Variants in TENM4 observed in about 807,000 individuals in gnomAD.
TENM4 encodes the protein teneurin transmembrane protein 4.
Under a neutral mutation model 243.3 loss-of-function variants are expected in TENM4, and 82 were observed. The observed-to-expected ratio is 0.34, with a 90% confidence interval of 0.28 to 0.40. TENM4 has a LOEUF of 0.40. Among genes scored for constraint, TENM4 ranks in the 10% least tolerant of loss-of-function variants. TENM4 has a pLI of 1.00. For missense variants in TENM4, 3,138 were observed against 3,673.3 expected (o/e 0.85, Z 3.77); for synonymous variants, 1,412 against 1,456.3 (o/e 0.97, Z 0.69).
chr11:78,665,470 C>T (rs1367847236), intron 32 of TENM4, among the ~76,000 whole-genome samples: 1 of 152,116 alleles, frequency 6.6e-6, no homozygotes, highest in African/African-American at 2.4e-5. Context: ...CGAGATTTCG[C>T]CATGTTGGCC....
At chr11:78,883,647 C>A (rs1252035972) in intron 9 of TENM4, among the ~76,000 whole-genome samples, 1 of 152,248 alleles carries the variant, frequency 6.6e-6, no homozygotes. Flanking sequence ...GAAGAAACCT[C>A]AAGTTACTAA....
In TENM4 at chr11:78,708,372, C is replaced by A. The variant is rs762851307; in HGVS notation, c.4198G>T (p.Asp1400Tyr). Residue 1400 changes from aspartate (D) to tyrosine (Y), a missense_variant, in exon 27 of 34, where the codon GAT becomes TAT. Coordinates refer to ENST00000278550, the MANE Select transcript of TENM4 (RefSeq NM_001098816.3). ...ARPLSCDSVM[D>Y]ISQVHLEWPT... The stretch of plus-strand genomic sequence containing the variant: ...TGAAGCCATCTTACCTGGGAAATAT[C>A]CATGACAGAATCACAGCTGAGTGGC... 5.6e-6 allele frequency: 9 copies of A among 1,614,036 alleles called. No individual in the cohort carries two copies. In the East Asian group the frequency reaches 1.8e-4, roughly 32 times the overall value.
At chr11:79,352,668 C>G (rs1424612225) in intron 1 of TENM4, among the ~76,000 whole-genome samples, 1 of 152,214 alleles carries the variant, frequency 6.6e-6, no homozygotes, top group Non-Finnish European at 1.5e-5. Flanking sequence ...GCCCCTTGCT[C>G]TCTTTGCCGG....
chr11:79,280,779 G>T (rs1856143940), intron 2 of TENM4, among the ~76,000 whole-genome samples: 1 of 152,156 alleles, frequency 6.6e-6, no homozygotes, highest in African/African-American at 2.4e-5. Flanking sequence ...AGAGATGCTG[G>T]TCTACCTTTC....
Position 79,441,002 on chromosome 11 carries a change from ACG to A in TENM4, c.-816_-815del. 1 of 153,320 alleles carries A rather than the reference ACG, an allele frequency of 6.5e-6. No individual in the cohort carries two copies. The highest frequency in any genetic ancestry group is 1.4e-5 in the Non-Finnish European group (1 of 69,070). The allele number at this position is 153,320 out of a possible 1,614,324, so 9.5% of individuals were successfully genotyped here. A position where few individuals can be genotyped will look rare whatever the true frequency, so the allele number is the denominator to read the frequency against. On this transcript the variant is annotated 5_prime_UTR_variant, in exon 1 of 34. Coordinates refer to ENST00000278550, the MANE Select transcript of TENM4 (RefSeq NM_001098816.3). Reference sequence around the variant, plus strand: ...GAGCGAGAGAGAGACACACACACACACGCACACGCACACGCAGGTTACATGAA... The same window carrying A: ...GAGCGAGAGAGAGACACACACACACACACACGCACACGCAGGTTACATGAA...
intron 4 of TENM4, 38 bp from the exon 5 acceptor site, chr11:79,070,047 A>G (rs1196224297): frequency 1.4e-6 from 2 of 1,468,758 alleles, no homozygotes; most frequent in East Asian, 2.5e-5. Flanking sequence ...CGTGAGAGGC[A>G]GAGAACATTC....
chr11:79,128,915 G>A (rs558565320), intron 4 of TENM4, among the ~76,000 whole-genome samples: 41 of 152,304 alleles, frequency 2.7e-4, no homozygotes, highest in Non-Finnish European at 7.3e-5. Flanking sequence ...GTATGCAGAG[G>A]CTTGCACTGT....
chr11:79,138,583 A>T (rs1401000024), intron 4 of TENM4, among the ~76,000 whole-genome samples: 3 of 93,390 alleles, frequency 3.2e-5, no homozygotes, highest in African/African-American at 1.1e-4. Flanking sequence ...TATTTATATA[A>T]ATACATAAAA....
intron 3 of TENM4, among the ~76,000 whole-genome samples, chr11:79,190,512 A>AT (rs981177601): frequency 2.0e-5 from 3 of 152,144 alleles, no homozygotes; most frequent in Non-Finnish European, 4.4e-5. Context: ...GATCCTCAGT[A>AT]TTTACTTTTA....
chr11:79,095,673 C>A (rs969734796), intron 4 of TENM4, among the ~76,000 whole-genome samples: 2 of 152,180 alleles, frequency 1.3e-5, no homozygotes, highest in African/African-American at 4.8e-5. Context: ...AGCAGACTCC[C>A]CAGTGCTCAC....
chr11:79,161,997 G>T (rs1862756300), intron 3 of TENM4, among the ~76,000 whole-genome samples: 1 of 152,216 alleles, frequency 6.6e-6, no homozygotes, highest in South Asian at 2.1e-4. Flanking sequence ...GGGTTGGTGG[G>T]TGTGGGAGAA....
At chr11:79,331,250 T>G (rs2135444955) in intron 1 of TENM4, among the ~76,000 whole-genome samples, 1 of 152,176 alleles carries the variant, frequency 6.6e-6, no homozygotes, top group East Asian at 1.9e-4. Flanking sequence ...TTTACCCCTT[T>G]GCACAGCCAG....
chr11:78,778,460 C>A, intron 17 of TENM4, 142 bp downstream of exon 17: 1 of 894,712 alleles, frequency 1.1e-6, no homozygotes, highest in East Asian at 2.7e-5. Context: ...ATGGATGCTG[C>A]GACAAAACTG....
Position 78,709,244 on chromosome 11 carries a change from C to T in TENM4, c.4055-729G>A, listed in dbSNP as rs181885714. Among the ~76,000 whole-genome samples the T allele has an allele frequency of 1.3e-4, 19 of 151,660 alleles. 1 individual carries two copies. Among genetic ancestry groups the T allele is most frequent in the Admixed American group, 1.2e-3 (19 of 15,236 alleles). On this transcript the variant is annotated intron_variant, in intron 26 of 33. Coordinates refer to ENST00000278550, the MANE Select transcript of TENM4 (RefSeq NM_001098816.3). ...CCTCCCAAAGTGCTAGGATTACAGG[C>T]GTGAGCCACCATGCCCGGCCCGTCC...
At chr11:79,268,886 T>C (rs978573380) in intron 2 of TENM4, among the ~76,000 whole-genome samples, 3 of 152,244 alleles carry the variant, frequency 2.0e-5, no homozygotes, top group Non-Finnish European at 2.9e-5. Flanking sequence ...ATGTGTTATA[T>C]GCAAAATGTA....
At chr11:78,892,609 A>G (rs939935249) in intron 7 of TENM4, among the ~76,000 whole-genome samples, 3 of 152,240 alleles carry the variant, frequency 2.0e-5, no homozygotes, top group Middle Eastern at 3.2e-3. Context: ...AAGAAGTATT[A>G]AGGGCTATAC....
At chr11:78,975,717 TC>T (rs1215043032) in intron 6 of TENM4, among the ~76,000 whole-genome samples, 2 of 147,180 alleles carry the variant, frequency 1.4e-5, no homozygotes, top group African/African-American at 5.0e-5. Flanking sequence ...TAGTCCAGCC[TC>T]CTACTCAGAT....
intron 32 of TENM4, among the ~76,000 whole-genome samples, chr11:78,665,104 G>A (rs947081425): frequency 6.6e-6 from 1 of 152,148 alleles, no homozygotes; most frequent in Non-Finnish European, 1.5e-5. Flanking sequence ...TCACAGGGGA[G>A]TGATGAAATG....
chr11:78,942,798 T>C (rs886384421), intron 6 of TENM4, among the ~76,000 whole-genome samples: 1 of 145,980 alleles, frequency 6.9e-6, no homozygotes, highest in Non-Finnish European at 1.5e-5. Flanking sequence ...TTTATTATCC[T>C]TATTTCATGA....
Sources: gnomAD v4.1 joint callset for allele counts (sites outside exome capture counted in the v4.1 genomes callset) on GRCh38, gnomAD v4.1.1 for gene constraint, MANE v1.5 for transcripts, NCBI Gene and HGNC (gene_info 2026-07-23, HGNC 2026-07-21) for gene names.